Variants in SH3GLB2 observed in about 807,000 individuals in gnomAD.
The protein encoded by SH3GLB2 is endophilin-B2.
A neutral mutation model predicts 48.0 loss-of-function variants in SH3GLB2; 24 were observed. The observed-to-expected ratio is 0.50, with a 90% CI of 0.36 to 0.70. The LOEUF is 0.70. Among genes scored for constraint, SH3GLB2 ranks in the 30% least tolerant of loss-of-function variants. The probability of loss-of-function intolerance (pLI) is 0.00; values close to 1 mark genes in which losing one functional copy is unlikely to be tolerated. For missense variants in SH3GLB2, 425 were observed against 516.0 expected (o/e 0.82, Z 1.71); for synonymous variants, 227 against 207.6 (o/e 1.09, Z -0.80).
chr9:129,020,271 A>G (rs1055152490), intron 3 of SH3GLB2, among the ~76,000 whole-genome samples: 2 of 150,176 alleles, frequency 1.3e-5, no homozygotes, highest in African/African-American at 4.9e-5. Context: ...ATTCCATTAA[A>G]AAATACACAC....
intron 1 of SH3GLB2, 129 bp from the exon 2 acceptor site, chr9:129,022,552 C>T (rs1843877791): frequency 1.3e-6 from 1 of 764,752 alleles, no homozygotes; most frequent in South Asian, 1.7e-5. Flanking sequence ...GTCAAGGAAC[C>T]AGCCCTGAGT....
In SH3GLB2 at chr9:129,014,640, C is replaced by A; in HGVS notation, c.468+131G>T. 1 of 1,498,842 alleles carries A rather than the reference C, an allele frequency of 6.7e-7. No individual in the cohort carries two copies. The highest frequency in any genetic ancestry group is 1.9e-5 in the Admixed American group (1 of 53,186). 92.8% of individuals were successfully genotyped at this position (1,498,842 alleles called of 1,614,324 possible). On this transcript the variant is annotated intron_variant, in intron 4 of 10. Transcript: ENST00000372564. This position sits in a 1 kb window ranked among gnomAD's most constrained non-coding sequence, Gnocchi z 4.1. ...GCCCAGAGATAGGAGGTCACTCAGTCCAAAGGAGCCCTCTCTGGGGAGGCC... is the reference window on the plus strand; with the variant it reads ...GCCCAGAGATAGGAGGTCACTCAGTACAAAGGAGCCCTCTCTGGGGAGGCC...
At position 129,028,125 on chromosome 9, in the gene SH3GLB2, C is replaced by G; in HGVS notation, c.30G>C (p.Ser10=). 6.7e-7 allele frequency: 1 copy of G among 1,497,478 alleles called. No homozygotes were observed. The highest frequency in any genetic ancestry group is 8.9e-7 in the Non-Finnish European group (1 of 1,125,914). The allele number at this position is 1,497,478 out of a possible 1,614,324, so 92.8% of individuals were successfully genotyped here. Residue 10 remains serine, a synonymous_variant, in exon 1 of 11, where the codon TCG becomes TCC. Transcript: ENST00000372564. MDFNMKKLA[S]DAGIFFTRAV... ...CCCGGGTGAAGAAGATGCCCGCGTC[C>G]GACGCCAGCTTCTTCATGTTGAAGT...
chr9:129,028,120 G>T lies in SH3GLB2; in HGVS notation c.35C>A (p.Ala12Glu). The T allele has an allele frequency of 6.7e-7, 1 of 1,498,390 alleles. No individual in the cohort carries two copies. The allele number at this position is 1,498,390 out of a possible 1,614,324, so 92.8% of individuals were successfully genotyped here. ...CACCGCCCGGGTGAAGAAGATGCCC[G>T]CGTCCGACGCCAGCTTCTTCATGTT... ...DFNMKKLASD[A>E]GIFFTRAVQF... The change falls in exon 1 of 11, where the codon GCG becomes GAG. Residue 12 changes from alanine to glutamate, a missense_variant. Coordinates refer to ENST00000372564, the MANE Select transcript of SH3GLB2 (RefSeq NM_020145.4).
intron 3 of SH3GLB2, among the ~76,000 whole-genome samples, chr9:129,018,761 C>T (rs1281383669): frequency 8.6e-5 from 13 of 150,852 alleles, no homozygotes; most frequent in Non-Finnish European, 1.6e-4. Context: ...AGCGTGGTGG[C>T]AGGCGCCTGT....
At chr9:129,026,115 A>G (rs758866546) in intron 1 of SH3GLB2, among the ~76,000 whole-genome samples, 5 of 152,104 alleles carry the variant, frequency 3.3e-5, no homozygotes, top group Non-Finnish European at 7.4e-5. Flanking sequence ...AGCACAGTTC[A>G]GGGGCCCTCC....
At chr9:129,017,820 C>T (rs1843523402) in intron 3 of SH3GLB2, among the ~76,000 whole-genome samples, 1 of 150,216 alleles carries the variant, frequency 6.7e-6, no homozygotes, top group Admixed American at 6.7e-5. Flanking sequence ...ATGGCATGAA[C>T]ACGAGAGGCG....
rs1004666107 is a variant in SH3GLB2 at position 129,007,495 on chromosome 9, A to T, written c.*1189T>A. 4 of 152,060 alleles carry T rather than the reference A, an allele frequency of 2.6e-5. No homozygotes were observed. The highest frequency in any genetic ancestry group is 5.9e-5 in the Non-Finnish European group (4 of 68,002). The allele number at this position is 152,060 out of a possible 1,614,324, so 9.4% of individuals were successfully genotyped here. On this transcript the variant is annotated 3_prime_UTR_variant, in exon 11 of 11. Transcript: ENST00000372564. ...TTGGCCTTCTCAGGACTGAAGTCAG[A>T]ATGCTAGGTCCTGCTAGGGGCCATC...
At chr9:129,012,978 C>G (rs1271425549) in intron 5 of SH3GLB2, 11 of 1,550,886 alleles carry the variant, frequency 7.1e-6, no homozygotes, top group Non-Finnish European at 8.7e-6. Flanking sequence ...AGACCGGAAG[C>G]AGCACAGCGC....
At chr9:129,008,948 G>A (rs17433045) in intron 10 of SH3GLB2, among the ~76,000 whole-genome samples, 157 bp from the exon 11 acceptor site, 5 of 152,330 alleles carry the variant, frequency 3.3e-5, no homozygotes, top group Admixed American at 2.6e-4. Flanking sequence ...AGACCCAGCA[G>A]AGCAAGGATC....
In SH3GLB2 at chr9:129,009,255, C is replaced by T. The variant is rs1310748685; in HGVS notation, c.931G>A (p.Val311Met). 1.3e-6 allele frequency: 2 copies of T among 1,587,866 alleles called. No homozygotes were observed. The highest frequency in any genetic ancestry group is 2.3e-5 in the South Asian group (2 of 87,596). Residue 311 changes from valine (V) to methionine (M), a missense_variant, in exon 10 of 11, where the codon GTG becomes ATG. Val to Met is a conservative substitution (Grantham distance 21). Transcript: ENST00000372564. ...GGGGCCAGGCTGGCCACAGAGGGCACCACAGGCATAGTGGCCGCAGCAGTG... is the reference window on the plus strand; with the variant it reads ...GGGGCCAGGCTGGCCACAGAGGGCATCACAGGCATAGTGGCCGCAGCAGTG... ...PTTAAATMPV[V>M]PSVASLAPPG...
Position 129,010,161 on chromosome 9 carries a change from C to T in SH3GLB2, c.697G>A (p.Glu233Lys). 6.2e-7 allele frequency: 1 copy of T among 1,614,086 alleles called. No individual in the cohort carries two copies. Among genetic ancestry groups the T allele is most frequent in the Non-Finnish European group, 8.5e-7 (1 of 1,179,992 alleles). The change falls in exon 8 of 11, where the codon GAA (glutamate) becomes AAA (lysine). Residue 233 changes from glutamate (E) to lysine (K), a missense_variant. Physicochemically the swap from Glu to Lys is moderately conservative, Grantham distance 56. Coordinates refer to ENST00000372564, the MANE Select transcript of SH3GLB2 (RefSeq NM_020145.4). ...CCCTCCAGCAAGAGACGGGTCACTTCTGCTTGCCGGTCAAACTCTGTCTGG... is the reference window on the plus strand; with the variant it reads ...CCCTCCAGCAAGAGACGGGTCACTTTTGCTTGCCGGTCAAACTCTGTCTGG... ...VAQTEFDRQA[E>K]VTRLLLEGIS...
At chr9:129,026,809 C>T (rs1016911541) in intron 1 of SH3GLB2, among the ~76,000 whole-genome samples, 5 of 152,206 alleles carry the variant, frequency 3.3e-5, no homozygotes, top group Non-Finnish European at 4.4e-5. Flanking sequence ...CCGTCCAATC[C>T]GAGGGGCTCT....
Position 129,014,177 on chromosome 9 carries a change from C to T in SH3GLB2, c.561+234G>A, listed in dbSNP as rs1466054111. 5 of 621,350 alleles carry T rather than the reference C, an allele frequency of 8.0e-6. No homozygotes were observed. In the East Asian group the frequency reaches 8.5e-5, roughly 11 times the overall value. 38.5% of individuals were successfully genotyped at this position (621,350 alleles called of 1,614,324 possible). On this transcript the variant is annotated intron_variant, in intron 5 of 10. Transcript: ENST00000372564. This position sits in a 1 kb window ranked among gnomAD's most constrained non-coding sequence, Gnocchi z 4.1. ...GCGGGGTGGTGCACCCAGCTGGGGG[C>T]ACTGCTGGTCCGCCCACACCGTAGA...
At chr9:129,019,301 TGC>T (rs2131278183) in intron 3 of SH3GLB2, among the ~76,000 whole-genome samples, 1 of 152,160 alleles carries the variant, frequency 6.6e-6, no homozygotes, top group South Asian at 2.1e-4. Context: ...GGTGGAAGGA[TGC>T]CTTCAGCCCA....
In SH3GLB2 at chr9:129,010,686, T is replaced by C. The variant is rs764878533; in HGVS notation, c.632A>G (p.Asn211Ser). The C allele has an allele frequency of 3.1e-6, 5 of 1,613,922 alleles. No homozygotes were observed. In the South Asian group the frequency reaches 3.3e-5, roughly 11 times the overall value. The change falls in exon 7 of 11, where the codon AAT becomes AGT. Residue 211 changes from asparagine to serine, a missense_variant. Physicochemically the swap from Asn to Ser is conservative, Grantham distance 46 (BLOSUM62 1). Coordinates refer to ENST00000372564, the MANE Select transcript of SH3GLB2 (RefSeq NM_020145.4). ...ILSASASALW[N>S]DEVDKAEQEL... ...CCAACTTACCTTGTCCACTTCATCA[T>C]TCCAGAGCTGTGGAGACGGCAGCAG...
Position 129,009,757 on chromosome 9 carries a change from TGCTGGCCCCGCACCTGCCCA to T in SH3GLB2, c.833_839+13del. 1 of 1,606,066 alleles carries T rather than the reference TGCTGGCCCCGCACCTGCCCA, an allele frequency of 6.2e-7. No homozygotes were observed. The highest frequency in any genetic ancestry group is 1.1e-5 in the South Asian group (1 of 89,830). On this transcript the variant is annotated splice_donor_variant and splice_donor_5th_base_variant and coding_sequence_variant and intron_variant, in exon 9 of 11. Transcript: ENST00000372564. LOFTEE classifies it high-confidence loss of function. ...CAGGGGGCCCCAGTGGGTTCAGCAG[TGCTGGCCCCGCACCTGCCCA>T]GCTGCTTCTGCAAGTCCAGCATGTG...
chr9:129,013,388 G>C (rs1033299323), intron 5 of SH3GLB2: 22 of 304,028 alleles, frequency 7.2e-5, no homozygotes, highest in Non-Finnish European at 1.3e-4. Context: ...GTGTGTTCTG[G>C]CTGAGTTACT....
rs1193230065 is a variant in SH3GLB2 at position 129,011,785 on chromosome 9, C to A, written c.624+451G>T. ...GCACAGCCTCAGGCCCTCCCGCCCC[C>A]CAGGCGCTCTCCAGGCCTACGACGC... On this transcript the variant is annotated intron_variant, in intron 6 of 10. Coordinates refer to ENST00000372564, the MANE Select transcript of SH3GLB2 (RefSeq NM_020145.4). This position sits in a 1 kb window ranked among gnomAD's most constrained non-coding sequence, Gnocchi z 4.5. The A allele has an allele frequency of 6.3e-6, 1 of 159,502 alleles. No individual in the cohort carries two copies. 9.9% of individuals were successfully genotyped at this position (159,502 alleles called of 1,614,324 possible).
Sources: allele counts gnomAD v4.1 joint callset (sites outside exome capture counted in the v4.1 genomes callset), GRCh38; gene constraint gnomAD v4.1.1; non-coding constraint Gnocchi (gnomAD v3.1); transcripts MANE v1.5; gene names NCBI Gene and HGNC (gene_info 2026-07-23, HGNC 2026-07-21).